The following RIMS1 variants were observed in gnomAD, a reference collection of about 807,000 sequenced individuals.
The protein encoded by RIMS1 is regulating synaptic membrane exocytosis protein 1.
In RIMS1, 83 loss-of-function variants were observed where a neutral mutation model predicts 214.1. The ratio of observed to expected loss-of-function variants is 0.39; its 90% CI spans 0.32 to 0.47. The LOEUF (loss-of-function observed/expected upper bound fraction) is 0.47, where lower values mean the gene tolerates loss of function less well. Among genes scored for constraint, RIMS1 ranks in the 20% least tolerant of loss-of-function variants. RIMS1 has a pLI of 0.99. For missense variants in RIMS1, 2,050 were observed against 2,161.8 expected, an observed-to-expected ratio of 0.95 and a Z score of 1.03; for synonymous variants, 793 against 786.8, an observed-to-expected ratio of 1.01 and a Z score of -0.13.
chr6:72,217,117 G>A, intron 6 of RIMS1: 1 of 1,528,806 alleles, frequency 6.5e-7, no homozygotes, highest in Non-Finnish European at 8.7e-7. Context: ...TTGTGCATTT[G>A]CTGCCATTGC....
chr6:71,971,742 C>T (rs1238816279), intron 2 of RIMS1, among the ~76,000 whole-genome samples: 1 of 152,162 alleles, frequency 6.6e-6, no homozygotes, highest in Non-Finnish European at 1.5e-5. Context: ...GGAAACTCCC[C>T]CTCATGTTAT....
chr6:72,330,234 G>A (rs1272665589), intron 28 of RIMS1, among the ~76,000 whole-genome samples: 1 of 151,810 alleles, frequency 6.6e-6, no homozygotes, highest in African/African-American at 2.4e-5. Context: ...GACAGGATTT[G>A]CTGTGTGGAG....
At chr6:71,946,823 A>G (rs1787956731) in intron 1 of RIMS1, among the ~76,000 whole-genome samples, 1 of 152,152 alleles carries the variant, frequency 6.6e-6, no homozygotes, top group African/African-American at 2.4e-5. Flanking sequence ...CTGCACAGCC[A>G]AGAGAACAAT....
intron 4 of RIMS1, among the ~76,000 whole-genome samples, chr6:72,142,283 A>G (rs2042167107): frequency 6.6e-6 from 1 of 152,038 alleles, no homozygotes; most frequent in African/African-American, 2.4e-5. Context: ...CCTAACTCCA[A>G]AGATGGTGAT....
At position 72,250,371 on chromosome 6, in the gene RIMS1, A is replaced by C. The variant is rs2072647709; in HGVS notation, c.2283A>C (p.Val761=). ...WYDKVGHQLI[V]NVLQATDLPA... ...ATAAAGTGGGACACCAGCTGATTGT[A>C]AATGTTCTGCAAGCAACAGATCTAC... The change falls in exon 13 of 34, where the codon GTA becomes GTC. Residue 761 remains valine (V), a synonymous_variant. Transcript: ENST00000521978. 1 of 1,610,312 alleles carries C rather than the reference A, an allele frequency of 6.2e-7. No individual in the cohort carries two copies. The highest frequency in any genetic ancestry group is 8.5e-7 in the Non-Finnish European group (1 of 1,177,932).
intron 1 of RIMS1, among the ~76,000 whole-genome samples, chr6:71,908,626 A>G (rs915650859): frequency 2.2e-4 from 33 of 152,138 alleles, no homozygotes; most frequent in Admixed American, 6.5e-5. Flanking sequence ...CAAAACGGTA[A>G]CCCTGGGTGA....
intron 29 of RIMS1, among the ~76,000 whole-genome samples, chr6:72,338,690 A>T (rs2096933246): frequency 6.6e-6 from 1 of 152,024 alleles, no homozygotes. Context: ...TAAGACATTT[A>T]TGCAGCCAAA....
At chr6:72,040,343 T>TCCTAGGC (rs1821098644) in intron 2 of RIMS1, among the ~76,000 whole-genome samples, 1 of 152,026 alleles carries the variant, frequency 6.6e-6, no homozygotes, top group South Asian at 2.1e-4. Context: ...TAACAGGACT[T>TCCTAGGC]AATGAATAGT....
Position 72,014,295 on chromosome 6 carries a change from A to G in RIMS1, c.245+45232A>G, listed in dbSNP as rs1048386223. Among the ~76,000 whole-genome samples the G allele has an allele frequency of 7.9e-5, 12 of 152,338 alleles. No homozygotes were observed. In the East Asian group the frequency reaches 1.9e-3, roughly 24 times the overall value. On this transcript the variant is annotated intron_variant, in intron 2 of 33. Coordinates refer to ENST00000521978, the MANE Select transcript of RIMS1 (RefSeq NM_014989.7). ...CAGAAACCACCCCCATGATTCAGTT[A>G]TCTCCATCTGGTCCCTCCTATGACA...
chr6:71,887,068 G>A lies in RIMS1; in HGVS notation c.45G>A (p.Val15=), dbSNP rs375752630. The change falls in exon 1 of 34, where the codon GTG becomes GTA. Residue 15 remains valine, a synonymous_variant. Transcript: ENST00000521978. The stretch of plus-strand genomic sequence containing the variant: ...CCCGCGGTCCTCGCCCACCCACGGT[G>A]CCTCCCCCCATGCAAGAGCTGCCCG... ...VGPRGPRPPT[V]PPPMQELPDL... is the part of the protein sequence containing the mutation. 8.7e-6 allele frequency: 14 copies of A among 1,613,584 alleles called. No individual in the cohort carries two copies. Among genetic ancestry groups the A allele is most frequent in the Non-Finnish European group, 1.2e-5 (14 of 1,179,724 alleles).
In RIMS1 at chr6:72,150,077, A is replaced by T. The variant is rs150754477; in HGVS notation, c.472-29498A>T. 2.8e-3 allele frequency among the ~76,000 whole-genome samples: 427 copies of T among 152,212 alleles called. 2 individuals are homozygous for T. The highest frequency in any genetic ancestry group is 9.5e-3 in the African/African-American group (396 of 41,534). On this transcript the variant is annotated intron_variant, in intron 4 of 33. Coordinates refer to ENST00000521978, the MANE Select transcript of RIMS1 (RefSeq NM_014989.7). ...TTCATGACAGAACAGCTCTCAGCAG[A>T]GAGGGGATGTGAGGGTGGTCCCCCA...
intron 9 of RIMS1, among the ~76,000 whole-genome samples, chr6:72,240,653 A>G (rs2066438995): frequency 1.3e-5 from 1 of 79,058 alleles, no homozygotes. Context: ...TTTTTTTTTT[A>G]CAGTGAAGTA....
Position 72,312,398 on chromosome 6 carries a change from A to T in RIMS1, c.3964-1108A>T, listed in dbSNP as rs1593005210. On this transcript the variant is annotated intron_variant, in intron 27 of 33. Transcript: ENST00000521978. ...ATCTTTCAGTTATTTATAGTTATGT[A>T]ACCTATTTATTACAATTATAACATA... Among the ~76,000 whole-genome samples the T allele has an allele frequency of 2.6e-5, 4 of 152,074 alleles. 1 individual carries two copies. The East Asian group carries it at 7.7e-4, about 29-fold the overall frequency.
At chr6:72,373,538 A>G (rs1379221118) in intron 29 of RIMS1, among the ~76,000 whole-genome samples, 1 of 152,244 alleles carries the variant, frequency 6.6e-6, no homozygotes, top group Non-Finnish European at 1.5e-5. Context: ...CAATGCCTTG[A>G]GAGTAATAAG....
At chr6:72,226,209 T>G (rs2060133496) in intron 6 of RIMS1, among the ~76,000 whole-genome samples, 2 of 152,250 alleles carry the variant, frequency 1.3e-5, no homozygotes, top group South Asian at 4.1e-4. Context: ...ATCTAAGGCA[T>G]TATAGCACCA....
chr6:72,312,658 A>C (rs2095569420), intron 27 of RIMS1, among the ~76,000 whole-genome samples: 1 of 152,146 alleles, frequency 6.6e-6, no homozygotes, highest in Non-Finnish European at 1.5e-5. Context: ...TCTACTTTTG[A>C]TTCTAAGTTA....
At chr6:71,938,919 AT>A (rs1187006938) in intron 1 of RIMS1, among the ~76,000 whole-genome samples, 2 of 152,120 alleles carry the variant, frequency 1.3e-5, no homozygotes, top group African/African-American at 4.8e-5. Flanking sequence ...AATTTTCCAA[AT>A]CTTTTCATTC....
chr6:72,287,471 C>G (rs1254436193), intron 24 of RIMS1, among the ~76,000 whole-genome samples: 1 of 152,056 alleles, frequency 6.6e-6, no homozygotes, highest in East Asian at 1.9e-4. Flanking sequence ...AATCAAAACT[C>G]TAGTCTTAGA....
chr6:72,233,914 G>A, intron 7 of RIMS1, 74 bp downstream of exon 7: 1 of 910,658 alleles, frequency 1.1e-6, no homozygotes, highest in African/African-American at 1.7e-5. Context: ...TCTGATATGT[G>A]ATATCTGCTC....
Sources: allele counts gnomAD v4.1 joint callset (sites outside exome capture counted in the v4.1 genomes callset), GRCh38; gene constraint gnomAD v4.1.1; transcripts MANE v1.5; gene names NCBI Gene and HGNC (gene_info 2026-07-23, HGNC 2026-07-21).